GRIK4: variants seen among roughly 807,000 people sequenced by gnomAD.
GRIK4 encodes glutamate ionotropic receptor kainate type subunit 4.
In GRIK4, 40 loss-of-function variants were observed where a neutral mutation model predicts 104.9. The ratio of observed to expected loss-of-function variants is 0.38; its 90% CI spans 0.30 to 0.50. The LOEUF (loss-of-function observed/expected upper bound fraction) is 0.50, where lower values mean the gene tolerates loss of function less well. GRIK4 is among the 20% of genes least tolerant of loss of function. The pLI, the probability that GRIK4 is intolerant of heterozygous loss-of-function variation, is 0.93. For missense variants in GRIK4, 1,047 were observed against 1,308.1 expected, an observed-to-expected ratio of 0.80 and a Z score of 3.08; for synonymous variants, 485 against 524.9, an observed-to-expected ratio of 0.92 and a Z score of 1.04.
At chr11:120,580,938 A>C (rs1228448979) in intron 1 of GRIK4, among the ~76,000 whole-genome samples, 2 of 152,168 alleles carry the variant, frequency 1.3e-5, no homozygotes, top group African/African-American at 4.8e-5. Context: ...TCCTTAAAAC[A>C]AATCTTAAAA....
chr11:120,855,512 G>A (rs1313777075), intron 8 of GRIK4, among the ~76,000 whole-genome samples: 1 of 151,570 alleles, frequency 6.6e-6, no homozygotes, highest in Non-Finnish European at 1.5e-5. Context: ...TCAACTAAAG[G>A]CTTCTCTCTC....
chr11:120,825,350 T>C (rs948156785), intron 6 of GRIK4, among the ~76,000 whole-genome samples: 7 of 152,230 alleles, frequency 4.6e-5, no homozygotes, highest in Admixed American at 3.9e-4. Flanking sequence ...TGTTGTCTCA[T>C]GTATAAACAG....
At chr11:120,650,579 C>CTGTTCTTT (rs1198947600) in intron 1 of GRIK4, among the ~76,000 whole-genome samples, 1 of 152,192 alleles carries the variant, frequency 6.6e-6, no homozygotes, top group Non-Finnish European at 1.5e-5. Context: ...CTGAACCATC[C>CTGTTCTTT]TGTTCTTTTC....
Position 120,986,588 on chromosome 11 carries a change from G to T in GRIK4, c.*328G>T. Reference sequence around the variant, plus strand: ...GGGTGGGGGGTCCCTACCCAGACCAGTCCAATGAATTGGTGGAATCATCAG... The same window carrying T: ...GGGTGGGGGGTCCCTACCCAGACCATTCCAATGAATTGGTGGAATCATCAG... On this transcript the variant is annotated 3_prime_UTR_variant, in exon 21 of 21. Transcript: ENST00000527524. The T allele has an allele frequency of 4.1e-6, 1 of 245,524 alleles. No individual in the cohort carries two copies. The highest frequency in any genetic ancestry group is 1.3e-4 in the South Asian group (1 of 7,730). 15.2% of individuals were successfully genotyped at this position (245,524 alleles called of 1,614,324 possible). A position where few individuals can be genotyped will look rare whatever the true frequency, so the allele number is the denominator to read the frequency against.
intron 3 of GRIK4, among the ~76,000 whole-genome samples, chr11:120,679,899 T>G (rs1950162431): frequency 1.3e-5 from 2 of 152,168 alleles, no homozygotes; most frequent in Non-Finnish European, 2.9e-5. Context: ...TCAATACCCA[T>G]GAATTCTGTA....
intron 3 of GRIK4, among the ~76,000 whole-genome samples, chr11:120,671,642 G>C (rs990033798): frequency 5.3e-5 from 8 of 152,142 alleles, no homozygotes; most frequent in African/African-American, 1.9e-4. Flanking sequence ...TTGTCAGATG[G>C]ATAGATTGCA....
chr11:120,966,508 G>T (rs183013636), intron 18 of GRIK4, among the ~76,000 whole-genome samples: 336 of 152,262 alleles, frequency 2.2e-3, no homozygotes, highest in Non-Finnish European at 3.6e-3. Context: ...AGCAGCTGGG[G>T]CTACAGGTGC....
At chr11:120,761,480 T>G (rs1161079385) in intron 3 of GRIK4, among the ~76,000 whole-genome samples, 1 of 152,240 alleles carries the variant, frequency 6.6e-6, no homozygotes, top group Non-Finnish European at 1.5e-5. Context: ...ATTTTGGCTT[T>G]TGTTGCCATT....
chr11:120,610,468 G>C (rs557243937), intron 1 of GRIK4, among the ~76,000 whole-genome samples: 1 of 152,304 alleles, frequency 6.6e-6, no homozygotes, highest in South Asian at 2.1e-4. Flanking sequence ...TGCTGGGAGA[G>C]GGTGGCCGCA....
chr11:120,734,138 A>G (rs1410134061), intron 3 of GRIK4, among the ~76,000 whole-genome samples: 5 of 152,154 alleles, frequency 3.3e-5, no homozygotes, highest in African/African-American at 1.2e-4. Flanking sequence ...TCAGTTTTGC[A>G]CCTTCAGATG....
At chr11:120,599,280 TATTA>T (rs781361592) in intron 1 of GRIK4, among the ~76,000 whole-genome samples, 8 of 152,244 alleles carry the variant, frequency 5.3e-5, no homozygotes, top group Non-Finnish European at 1.2e-4. Flanking sequence ...TCATGATTGT[TATTA>T]ATATTTCCCT....
chr11:120,944,986 G>T (rs575393271), intron 14 of GRIK4, among the ~76,000 whole-genome samples: 9 of 151,658 alleles, frequency 5.9e-5, no homozygotes, highest in Admixed American at 5.9e-4. Flanking sequence ...TTTGCAGCCT[G>T]GGTGTTGGTT....
Position 120,967,340 on chromosome 11 carries a change from C to A in GRIK4, c.2395+17C>A. 1 of 1,601,342 alleles carries A rather than the reference C, an allele frequency of 6.2e-7. No individual in the cohort carries two copies. Among genetic ancestry groups the A allele is most frequent in the Non-Finnish European group, 8.5e-7 (1 of 1,173,996 alleles). On this transcript the variant is annotated intron_variant, in intron 19 of 20. Transcript: ENST00000527524. The surrounding 1 kb of genome is among the most constrained non-coding windows in gnomAD (Gnocchi z 4.2). ...GAGCTAAAGGTAAGGACGTTCAGGG[C>A]CATCCTCCTCCTGCCCTAGAGGACC...
At position 120,756,191 on chromosome 11, in the gene GRIK4, C is replaced by T. The variant is rs116713621; in HGVS notation, c.83-46502C>T. On this transcript the variant is annotated intron_variant, in intron 3 of 20. Coordinates refer to ENST00000527524, the MANE Select transcript of GRIK4 (RefSeq NM_014619.5). ...CGTTGGTTTCTCCAGGCTACACCAC[C>T]CTTAGGAATAATAGTCTGAAGGTAT... 2.0e-3 allele frequency among the ~76,000 whole-genome samples: 306 copies of T among 152,292 alleles called. 3 individuals carry two copies. Among genetic ancestry groups the T allele is most frequent in the African/African-American group, 6.9e-3 (286 of 41,552 alleles).
chr11:120,708,416 GA>G (rs1055007043), intron 3 of GRIK4, among the ~76,000 whole-genome samples: 1 of 152,116 alleles, frequency 6.6e-6, no homozygotes, highest in Non-Finnish European at 1.5e-5. Flanking sequence ...GGTCCCTAAT[GA>G]ATAATCCTCA....
At chr11:120,760,082 C>T (rs1356068314) in intron 3 of GRIK4, among the ~76,000 whole-genome samples, 5 of 151,828 alleles carry the variant, frequency 3.3e-5, no homozygotes, top group East Asian at 1.9e-4. Context: ...GGTCTCTAAA[C>T]GTGTTCATCC....
At chr11:120,816,377 G>A (rs1329199122) in intron 5 of GRIK4, among the ~76,000 whole-genome samples, 1 of 151,998 alleles carries the variant, frequency 6.6e-6, no homozygotes, top group Non-Finnish European at 1.5e-5. Context: ...ATGGAGCTTG[G>A]TGGTCAGGCA....
At chr11:120,772,159 G>T (rs184652954) in intron 3 of GRIK4, among the ~76,000 whole-genome samples, 1 of 152,304 alleles carries the variant, frequency 6.6e-6, no homozygotes, top group African/African-American at 2.4e-5. Context: ...CAGGTCTAGC[G>T]GCCAGAGCCT....
rs143359022 is a variant in GRIK4, at chr11:120,689,856, G to GAAC, written c.82+29458_82+29460dup. On this transcript the variant is annotated intron_variant, in intron 3 of 20. Transcript: ENST00000527524. ...CAGGGCAAACTCCTTGAAGGCAGGA[G>GAAC]AACACCCTTTCATCTCCATGGTCTC... is the stretch of plus-strand genomic sequence containing the variant. Among the ~76,000 whole-genome samples, 271 of 152,226 alleles carry GAAC rather than the reference G, an allele frequency of 1.8e-3. 1 individual carries two copies. The highest frequency in any genetic ancestry group is 6.3e-3 in the African/African-American group (263 of 41,562).
Sources: allele counts gnomAD v4.1 joint callset (sites outside exome capture counted in the v4.1 genomes callset), GRCh38; gene constraint gnomAD v4.1.1; non-coding constraint Gnocchi (gnomAD v3.1); transcripts MANE v1.5; gene names NCBI Gene and HGNC (gene_info 2026-07-23, HGNC 2026-07-21).